Variants in PIWIL2 observed in about 807,000 individuals in gnomAD.
PIWIL2 encodes the protein piwi like RNA-mediated gene silencing 2.
PIWIL2 carries 81 observed loss-of-function variants against 116.5 expected under a neutral mutation model. The observed-to-expected ratio is 0.70, with a 90% CI of 0.58 to 0.84. The LOEUF (loss-of-function observed/expected upper bound fraction) is 0.84, where lower values mean the gene tolerates loss of function less well. Ranked by LOEUF, PIWIL2 falls within the 40% of genes least tolerant of loss-of-function variation. The pLI is 0.00. For synonymous variants in PIWIL2, 489 were observed against 429.5 expected, an observed-to-expected ratio of 1.14 and a Z score of -1.71; for missense variants, 1,272 against 1,212.3, an observed-to-expected ratio of 1.05 and a Z score of -0.73.
intron 19 of PIWIL2, 102 bp downstream of exon 19, chr8:22,316,435 A>G (rs778895887): frequency 1.3e-6 from 1 of 756,204 alleles, no homozygotes; most frequent in Non-Finnish European, 2.2e-6. Context: ...ATTACAATAT[A>G]AAGATTTCTA....
intron 10 of PIWIL2, among the ~76,000 whole-genome samples, chr8:22,302,397 T>C (rs2132026722): frequency 6.6e-6 from 1 of 152,270 alleles, no homozygotes; most frequent in Non-Finnish European, 1.5e-5. Context: ...GCCAGGATGG[T>C]CTCGATCTCT....
intron 20 of PIWIL2, among the ~76,000 whole-genome samples, chr8:22,337,278 T>C (rs1449681379): frequency 6.6e-6 from 1 of 151,884 alleles, no homozygotes; most frequent in East Asian, 1.9e-4. Context: ...CACACACAAT[T>C]AGAGCTAATA....
Position 22,307,926 on chromosome 8 carries a change from T to C in PIWIL2, c.1546-7T>C. On this transcript the variant is annotated splice_polypyrimidine_tract_variant and splice_region_variant and intron_variant, in intron 13 of 22. Transcript: ENST00000356766. ...TTATAAGTTATCTTTATTTTAATTC[T>C]GTTTAGGATTTGGCTCAGCAAATCA... 6.3e-7 allele frequency: 1 copy of C among 1,591,966 alleles called. No homozygotes were observed. Among genetic ancestry groups the C allele is most frequent in the South Asian group, 1.1e-5 (1 of 89,022 alleles).
At chr8:22,282,135 C>T (rs901216973) in intron 4 of PIWIL2, among the ~76,000 whole-genome samples, 1 of 137,078 alleles carries the variant, frequency 7.3e-6, no homozygotes, top group Non-Finnish European at 1.5e-5. Flanking sequence ...GGCTGGAATG[C>T]AGTGGGGCAA....
chr8:22,291,635 A>G (rs1315682260), intron 10 of PIWIL2, among the ~76,000 whole-genome samples: 1 of 152,194 alleles, frequency 6.6e-6, no homozygotes, highest in East Asian at 1.9e-4. Flanking sequence ...ATTACCCTGT[A>G]GAAGATTTAT....
intron 2 of PIWIL2, among the ~76,000 whole-genome samples, chr8:22,280,331 C>G (rs1038516880): frequency 1.1e-4 from 16 of 152,280 alleles, no homozygotes; most frequent in African/African-American, 3.9e-4. Flanking sequence ...GAAAAAGGAT[C>G]TTCAGTTATT....
At chr8:22,323,697 T>C (rs1456774617) in intron 20 of PIWIL2, among the ~76,000 whole-genome samples, 1 of 152,218 alleles carries the variant, frequency 6.6e-6, no homozygotes, top group Non-Finnish European at 1.5e-5. Flanking sequence ...ATAGTAGATA[T>C]AACCTGAAAT....
chr8:22,330,900 C>T (rs757880333), intron 20 of PIWIL2, among the ~76,000 whole-genome samples: 5 of 152,050 alleles, frequency 3.3e-5, no homozygotes, highest in East Asian at 3.9e-4. Context: ...AAGCTGGGCA[C>T]GAGGTGGCTC....
intron 1 of PIWIL2, among the ~76,000 whole-genome samples, chr8:22,277,601 G>A (rs1830406878): frequency 6.6e-6 from 1 of 151,924 alleles, no homozygotes; most frequent in Non-Finnish European, 1.5e-5. Context: ...CAAACTCCTG[G>A]CCTCAATGGT....
intron 10 of PIWIL2, among the ~76,000 whole-genome samples, chr8:22,300,818 T>A (rs1247374805): frequency 1.3e-5 from 2 of 152,224 alleles, no homozygotes; most frequent in East Asian, 3.8e-4. Context: ...TATCTGTTCA[T>A]ATCTTTTGCC....
At chr8:22,316,404 C>A in intron 19 of PIWIL2, 71 bp downstream of exon 19, 1 of 916,852 alleles carries the variant, frequency 1.1e-6, no homozygotes, top group Non-Finnish European at 1.8e-6. Context: ...ATAAATCCAG[C>A]AAATCTTTTT....
intron 2 of PIWIL2, among the ~76,000 whole-genome samples, 157 bp from the exon 3 acceptor site, chr8:22,280,963 G>C (rs1830485599): frequency 6.6e-6 from 1 of 152,128 alleles, no homozygotes; most frequent in Non-Finnish European, 1.5e-5. Context: ...ATATTACATA[G>C]TTACAGGTAT....
intron 20 of PIWIL2, among the ~76,000 whole-genome samples, chr8:22,328,818 G>GTGTTTT: frequency 9.3e-6 from 1 of 107,174 alleles, no homozygotes; most frequent in Admixed American, 1.1e-4. Flanking sequence ...AGCTCTAGTC[G>GTGTTTT]TTTTTTTTTT....
At chr8:22,296,314 G>A (rs1374313201) in intron 10 of PIWIL2, among the ~76,000 whole-genome samples, 1 of 151,874 alleles carries the variant, frequency 6.6e-6, no homozygotes, top group Non-Finnish European at 1.5e-5. Context: ...CAAAGTGCTG[G>A]GATTACAGGC....
Position 22,320,471 on chromosome 8 carries a change from C to T in PIWIL2, c.2403+2196C>T, listed in dbSNP as rs147128352. ...ATTTTTAGTAGAGACGGGGTTTTGC[C>T]ATGTTGGCCAGACTGGGCTGGTCTC... On this transcript the variant is annotated intron_variant, in intron 20 of 22. Transcript: ENST00000356766. Among the ~76,000 whole-genome samples the T allele has an allele frequency of 7.0e-3, 1,059 of 151,320 alleles. 8 individuals carry two copies. The highest frequency in any genetic ancestry group is 0.025 in the African/African-American group (1,014 of 41,156).
At chr8:22,287,295 A>G (rs1830650039) in intron 6 of PIWIL2, among the ~76,000 whole-genome samples, 1 of 152,226 alleles carries the variant, frequency 6.6e-6, no homozygotes, top group Non-Finnish European at 1.5e-5. Flanking sequence ...GTGCTAAGGC[A>G]GGTGTCCTTT....
chr8:22,329,880 A>G (rs951020108), intron 20 of PIWIL2, among the ~76,000 whole-genome samples: 1 of 152,216 alleles, frequency 6.6e-6, no homozygotes, highest in African/African-American at 2.4e-5. Flanking sequence ...AGGATGAACC[A>G]ATAGGCTGGA....
chr8:22,325,082 TGTAGGAATACTACATCAG>T (rs1563403890), intron 20 of PIWIL2, among the ~76,000 whole-genome samples: 1 of 152,138 alleles, frequency 6.6e-6, no homozygotes, highest in Non-Finnish European at 1.5e-5. Flanking sequence ...GCACCTACAG[TGTAGGAATACTACATCAG>T]GTAGGAAAAA....
intron 1 of PIWIL2, chr8:22,275,673 A>G (rs966499381): frequency 6.6e-6 from 1 of 152,308 alleles, no homozygotes. Flanking sequence ...GAGAGGAGAT[A>G]GAACCCCTGG....
Sources: gnomAD v4.1 joint callset for allele counts (sites outside exome capture counted in the v4.1 genomes callset) on GRCh38, gnomAD v4.1.1 for gene constraint, MANE v1.5 for transcripts, NCBI Gene and HGNC (gene_info 2026-07-23, HGNC 2026-07-21) for gene names.